OGDH: variants seen among roughly 807,000 people sequenced by gnomAD.
The protein encoded by OGDH is oxoglutarate dehydrogenase, also known as 2-oxoglutarate dehydrogenase complex component E1.
In OGDH, 38 loss-of-function variants were observed where a neutral mutation model predicts 116.6. That is an observed-to-expected ratio of 0.33 (90% confidence interval 0.25 to 0.43). The LOEUF is 0.43. Among genes scored for constraint, OGDH ranks in the 20% least tolerant of loss-of-function variants. OGDH has a pLI of 1.00. For missense variants in OGDH, 825 were observed against 1,357.2 expected, an observed-to-expected ratio of 0.61 and a Z score of 6.16; for synonymous variants, 488 against 533.3, an observed-to-expected ratio of 0.92 and a Z score of 1.17.
intron 4 of OGDH, among the ~76,000 whole-genome samples, chr7:44,655,614 G>C (rs1350153331): frequency 2.0e-5 from 3 of 152,236 alleles, no homozygotes; most frequent in Non-Finnish European, 4.4e-5. Context: ...CACAAGCCCA[G>C]ACAGTAAGGG....
chr7:44,707,115 C>G lies in OGDH; in HGVS notation c.2633-110C>G. 1 of 1,166,570 alleles carries G rather than the reference C, an allele frequency of 8.6e-7. No homozygotes were observed. The highest frequency in any genetic ancestry group is 2.3e-5 in the Admixed American group (1 of 44,348). 72.3% of individuals were successfully genotyped at this position (1,166,570 alleles called of 1,614,324 possible). A position where few individuals can be genotyped will look rare whatever the true frequency, so the allele number is the denominator to read the frequency against. On this transcript the variant is annotated intron_variant, in intron 20 of 22. Coordinates refer to ENST00000222673, the MANE Select transcript of OGDH (RefSeq NM_002541.4). The surrounding 1 kb of genome is among the most constrained non-coding windows in gnomAD (Gnocchi z 5.2). ...CTGGTGAAGGGGAAGCATCTCTAACCCTTGAAAGCTGCGTCTCCTGGCAGC... is the reference window on the plus strand; with the variant it reads ...CTGGTGAAGGGGAAGCATCTCTAACGCTTGAAAGCTGCGTCTCCTGGCAGC...
chr7:44,702,443 A>AC lies in OGDH; in HGVS notation c.2632+829dup, dbSNP rs567504513. On this transcript the variant is annotated intron_variant, in intron 20 of 22. Coordinates refer to ENST00000222673, the MANE Select transcript of OGDH (RefSeq NM_002541.4). ...AGGGACAGTGGAGTGCAGGATGTTG[A>AC]CACAGCCTTTACCACCCACCAGGGG... is the stretch of plus-strand genomic sequence containing the variant. Among the ~76,000 whole-genome samples the AC allele has an allele frequency of 1.5e-3, 234 of 152,186 alleles. 1 individual carries two copies. The highest frequency in any genetic ancestry group is 5.6e-3 in the African/African-American group (230 of 41,432).
intron 17 of OGDH, 75 bp from the exon 18 acceptor site, chr7:44,698,117 T>TAAG (rs3216978): frequency 0.12 from 175,872 of 1,515,166 alleles, 22,535 homozygotes; most frequent in African/African-American, 0.56. Flanking sequence ...GCTAGTTGGT[T>TAAG]GAGGAGGAAC....
chr7:44,676,873 T>C (rs1359158103), intron 9 of OGDH, among the ~76,000 whole-genome samples: 1 of 152,004 alleles, frequency 6.6e-6, no homozygotes, highest in East Asian at 1.9e-4. Context: ...AAGGAGAAAT[T>C]GTAGAACTGA....
Position 44,701,543 on chromosome 7 carries a change from T to C in OGDH, c.2560T>C (p.Leu854=). The C allele has an allele frequency of 6.2e-7, 1 of 1,613,830 alleles. No individual in the cohort carries two copies. Among genetic ancestry groups the C allele is most frequent in the Non-Finnish European group, 8.5e-7 (1 of 1,179,766 alleles). ...RQILLPFRKP[L]IIFTPKSLLR... is the part of the protein sequence containing the mutation. ...ACGAGCCTATTGTTCTGTATTTCAG[T>C]TAATTATCTTCACCCCCAAATCCCT... Residue 854 remains leucine (L), a splice_region_variant and synonymous_variant, in exon 20 of 23, where the codon TTA becomes CTA. Coordinates refer to ENST00000222673, the MANE Select transcript of OGDH (RefSeq NM_002541.4).
chr7:44,608,309 G>C (rs1313625487), intron 1 of OGDH, among the ~76,000 whole-genome samples: 1 of 152,168 alleles, frequency 6.6e-6, no homozygotes, highest in Non-Finnish European at 1.5e-5. Context: ...TCAGGAGGCT[G>C]AGGCGGGAGG....
chr7:44,610,669 A>C (rs1245553773), intron 1 of OGDH, among the ~76,000 whole-genome samples: 1 of 151,134 alleles, frequency 6.6e-6, no homozygotes, highest in Non-Finnish European at 1.5e-5. Flanking sequence ...GCTGGAGTGC[A>C]GTGGTGCAAT....
chr7:44,620,500 GA>G (rs1784969462), intron 1 of OGDH, among the ~76,000 whole-genome samples: 1 of 152,180 alleles, frequency 6.6e-6, no homozygotes, highest in Non-Finnish European at 1.5e-5. Flanking sequence ...GATCCATTTT[GA>G]ATTTTGTTTG....
intron 2 of OGDH, among the ~76,000 whole-genome samples, chr7:44,644,490 A>G (rs982817852): frequency 6.6e-6 from 1 of 152,216 alleles, no homozygotes; most frequent in African/African-American, 2.4e-5. Context: ...ACTGTGTGCT[A>G]ATGCCTTTAA....
At chr7:44,706,447 G>A (rs1043134918) in intron 20 of OGDH, among the ~76,000 whole-genome samples, 9 of 149,964 alleles carry the variant, frequency 6.0e-5, no homozygotes, top group Non-Finnish European at 8.9e-5. Context: ...TCGGCCCCCC[G>A]AGTAGCTGAG....
rs755783802 is a variant in OGDH at position 44,707,705 on chromosome 7, C to T, written c.2920C>T (p.Arg974Trp). Residue 974 changes from arginine to tryptophan, a missense_variant, in exon 22 of 23, where the codon CGG becomes TGG. By Grantham distance (101) the Arg-to-Trp change is moderately radical. Around this residue, in one of 7 missense-constraint regions of OGDH, gnomAD observed 212 missense variants for 284.3 expected, o/e 0.75. Transcript: ENST00000222673. This position sits in a 1 kb window ranked among gnomAD's most constrained non-coding sequence, Gnocchi z 5.2. Reference sequence around the variant, plus strand: ...CTATGACTACGTGAAGCCAAGACTTCGGACCACCATCAGCCGCGCCAAGCC... The same window carrying T: ...CTATGACTACGTGAAGCCAAGACTTTGGACCACCATCAGCCGCGCCAAGCC... ...GYYDYVKPRL[R>W]TTISRAKPVW... 8 of 1,614,088 alleles carry T rather than the reference C, an allele frequency of 5.0e-6. No individual in the cohort carries two copies. The highest frequency in any genetic ancestry group is 2.2e-5 in the East Asian group (1 of 44,890).
At chr7:44,665,828 A>G (rs1440900547) in intron 4 of OGDH, among the ~76,000 whole-genome samples, 1 of 152,200 alleles carries the variant, frequency 6.6e-6, no homozygotes, top group Non-Finnish European at 1.5e-5. Flanking sequence ...GCCAAACTGG[A>G]TAAAAGAATG....
intron 4 of OGDH, among the ~76,000 whole-genome samples, chr7:44,661,453 T>C (rs1786936652): frequency 6.6e-6 from 1 of 152,158 alleles, no homozygotes; most frequent in Non-Finnish European, 1.5e-5. Flanking sequence ...TTATATTTAA[T>C]GTAATTATTG....
chr7:44,696,893 G>C (rs979445945), intron 14 of OGDH, 21 bp from the exon 15 acceptor site: 2 of 1,591,730 alleles, frequency 1.3e-6, no homozygotes, highest in East Asian at 2.3e-5. Context: ...GCAGCAGCTG[G>C]TGAGAGCTGT....
At position 44,707,225 on chromosome 7, in the gene OGDH, G is replaced by C; in HGVS notation, c.2633G>C (p.Gly878Ala). The C allele has an allele frequency of 6.2e-7, 1 of 1,614,068 alleles. No individual in the cohort carries two copies. The highest frequency in any genetic ancestry group is 8.5e-7 in the Non-Finnish European group (1 of 1,179,954). Reference sequence around the variant, plus strand: ...CCTAGCCATGGGAACTCTCTTGTAGGAACCCACTTCCAGCGGGTGATCCCA... The same window carrying C: ...CCTAGCCATGGGAACTCTCTTGTAGCAACCCACTTCCAGCGGGTGATCCCA... ...ARSSFDEMLP[G>A]THFQRVIPED... The change falls in exon 21 of 23, where the codon GGA becomes GCA. Residue 878 changes from glycine to alanine, a missense_variant and splice_region_variant. Physicochemically the swap from Gly to Ala is moderately conservative, Grantham distance 60. Around this residue, in one of 7 missense-constraint regions of OGDH, gnomAD observed 212 missense variants for 284.3 expected, o/e 0.75. Transcript: ENST00000222673. This position sits in a 1 kb window ranked among gnomAD's most constrained non-coding sequence, Gnocchi z 5.2.
chr7:44,700,334 C>A, intron 19 of OGDH, 65 bp downstream of exon 19: 1 of 1,591,556 alleles, frequency 6.3e-7, no homozygotes, highest in Non-Finnish European at 8.6e-7. Context: ...CAGGGAAGGG[C>A]TCCTCAGAGA....
intron 10 of OGDH, among the ~76,000 whole-genome samples, chr7:44,692,663 A>G (rs1170238776): frequency 6.6e-6 from 1 of 152,212 alleles, no homozygotes; most frequent in Non-Finnish European, 1.5e-5. Context: ...TAAAAATTTA[A>G]ATGCAAACCA....
intron 5 of OGDH, among the ~76,000 whole-genome samples, chr7:44,668,520 C>G (rs1787285379): frequency 6.6e-6 from 1 of 152,200 alleles, no homozygotes; most frequent in Non-Finnish European, 1.5e-5. Context: ...GTCAGCATCT[C>G]AGCTTGGAGC....
At chr7:44,632,913 A>T (rs1230196848) in intron 2 of OGDH, among the ~76,000 whole-genome samples, 2 of 152,064 alleles carry the variant, frequency 1.3e-5, no homozygotes, top group African/African-American at 4.8e-5. Flanking sequence ...TTAAGAAAAA[A>T]AAAATTTTGT....
Sources: gnomAD v4.1 joint callset for allele counts (sites outside exome capture counted in the v4.1 genomes callset) on GRCh38, gnomAD v4.1.1 for gene constraint, gnomAD v4.1.1 regional missense constraint, Gnocchi (gnomAD v3.1) non-coding constraint, MANE v1.5 for transcripts, NCBI Gene and HGNC (gene_info 2026-07-23, HGNC 2026-07-21) for gene names.